The following BRWD1 variants were observed in gnomAD, a reference collection of about 807,000 sequenced individuals.
BRWD1 encodes the protein bromodomain and WD repeat-containing protein 1.
BRWD1 carries 82 observed loss-of-function variants against 251.2 expected under a neutral mutation model. The ratio of observed to expected loss-of-function variants is 0.33; its 90% CI spans 0.27 to 0.39. The LOEUF (loss-of-function observed/expected upper bound fraction) is 0.39. BRWD1 is among the 10% of genes least tolerant of loss of function. The pLI is 1.00. For missense variants in BRWD1, 2,233 were observed against 2,711.6 expected, an observed-to-expected ratio of 0.82 and a Z score of 3.92; for synonymous variants, 918 against 902.8, an observed-to-expected ratio of 1.02 and a Z score of -0.30.
At position 39,266,882 on chromosome 21, in the gene BRWD1, CATT is replaced by C. The variant is rs151078948; in HGVS notation, c.1531-1866_1531-1864del. On this transcript the variant is annotated intron_variant, in intron 15 of 40. Coordinates refer to ENST00000342449, the MANE Select transcript of BRWD1 (RefSeq NM_033656.4). ...TTGGCTATGCAACTGGAAATAAGATCATTGTTGCCCACGTGAAATGTTTTTTCA... is the reference window on the plus strand; with the variant it reads ...TTGGCTATGCAACTGGAAATAAGATCGTTGCCCACGTGAAATGTTTTTTCA... Among the ~76,000 whole-genome samples the C allele has an allele frequency of 1.9e-3, 296 of 152,280 alleles. 2 individuals carry two copies. The highest frequency in any genetic ancestry group is 3.2e-3 in the Non-Finnish European group (218 of 68,012).
chr21:39,232,605 C>T, intron 23 of BRWD1, 107 bp from the exon 24 acceptor site: 1 of 1,296,922 alleles, frequency 7.7e-7, no homozygotes, highest in East Asian at 2.5e-5. Context: ...CTATTTTTGC[C>T]ATGTCCATCT....
chr21:39,243,550 A>C (rs886551114), intron 21 of BRWD1, among the ~76,000 whole-genome samples: 1 of 152,088 alleles, frequency 6.6e-6, no homozygotes, highest in Non-Finnish European at 1.5e-5. Flanking sequence ...GGCTCAAGTG[A>C]TTATCCTGCC....
intron 36 of BRWD1, among the ~76,000 whole-genome samples, chr21:39,207,451 A>AACACACAC (rs58765400): frequency 0.051 from 6,629 of 131,266 alleles, 241 homozygotes; most frequent in Middle Eastern, 0.09. Flanking sequence ...AAAAAAAGAA[A>AACACACAC]ACACACACAC....
intron 4 of BRWD1, among the ~76,000 whole-genome samples, chr21:39,301,337 T>A (rs570098090): frequency 3.3e-5 from 5 of 152,310 alleles, no homozygotes; most frequent in African/African-American, 1.2e-4. Flanking sequence ...CTTCTATGAT[T>A]AGGTTACAAT....
chr21:39,293,942 T>C lies in BRWD1; in HGVS notation c.700A>G (p.Met234Val). 6.2e-7 allele frequency: 1 copy of C among 1,614,178 alleles called. No homozygotes were observed. Among genetic ancestry groups the C allele is most frequent in the Non-Finnish European group, 8.5e-7 (1 of 1,180,010 alleles). The stretch of plus-strand genomic sequence containing the variant: ...ATTGTATTCTCATAGTTTACTGCCA[T>C]ATCTGAAATTTCTGCAGAATGACCT... ...LRGHSAEISD[M>V]AVNYENTMIA... The change falls in exon 8 of 41, where the codon ATG becomes GTG. Residue 234 changes from methionine to valine, a missense_variant. Coordinates refer to ENST00000342449, the MANE Select transcript of BRWD1 (RefSeq NM_033656.4).
chr21:39,241,610 G>A (rs957402566), intron 21 of BRWD1, among the ~76,000 whole-genome samples: 7 of 149,740 alleles, frequency 4.7e-5, no homozygotes, highest in African/African-American at 7.3e-5. Context: ...ATGTGAAGTC[G>A]TGCATAACAA....
At chr21:39,271,605 G>A (rs1331152061) in intron 13 of BRWD1, among the ~76,000 whole-genome samples, 1 of 142,622 alleles carries the variant, frequency 7.0e-6, no homozygotes, top group Non-Finnish European at 1.5e-5. Flanking sequence ...GCTGAGGTGG[G>A]AGGATAGCAT....
chr21:39,313,048 G>C, intron 3 of BRWD1, 24 bp downstream of exon 3: 2 of 1,382,716 alleles, frequency 1.4e-6, no homozygotes, highest in Non-Finnish European at 9.4e-7. Context: ...ACCCGAGGGA[G>C]CGCGGGGACG....
At position 39,191,211 on chromosome 21, in the gene BRWD1, ACCCCTTTT is replaced by A; in HGVS notation, c.*5040_*5047del. 1.0e-6 allele frequency: 1 copy of A among 985,296 alleles called. No homozygotes were observed. The highest frequency in any genetic ancestry group is 1.7e-5 in the African/African-American group (1 of 57,304). 61.0% of individuals were successfully genotyped at this position (985,296 alleles called of 1,614,324 possible). A position where few individuals can be genotyped will look rare whatever the true frequency, so the allele number is the denominator to read the frequency against. ...CAGGCCACAGACAATCCAATGGCAA[ACCCCTTTT>A]CCAGCAGGGCTCCTGACTCGCTTCA... is the stretch of plus-strand genomic sequence containing the variant. On this transcript the variant is annotated 3_prime_UTR_variant, in exon 41 of 41. Transcript: ENST00000342449.
intron 4 of BRWD1, among the ~76,000 whole-genome samples, chr21:39,312,205 T>C (rs539340393): frequency 3.9e-5 from 6 of 152,326 alleles, no homozygotes; most frequent in Admixed American, 1.3e-4. Context: ...AAAGTGCCTA[T>C]TTAAAGCACT....
chr21:39,312,985 C>CGGGGGGCCGGG lies in BRWD1; in HGVS notation c.138+86_139-85insCCCGGCCCCCC, dbSNP rs1181817855. ...CGGGGGGCCGGGGGCGGGCGGCGGG[C>CGGGGGGCCGGG]GGCGGGCGGGGGGCGCGGGCGAGCA... On this transcript the variant is annotated intron_variant, in intron 3 of 40. Transcript: ENST00000342449. 4.8e-5 allele frequency: 39 copies of CGGGGGGCCGGG among 805,346 alleles called. 1 individual carries two copies. Among genetic ancestry groups the CGGGGGGCCGGG allele is most frequent in the South Asian group, 1.9e-4 (3 of 15,434 alleles). The allele number at this position is 805,346 out of a possible 1,614,324, so 49.9% of individuals were successfully genotyped here. A position where few individuals can be genotyped will look rare whatever the true frequency, so the allele number is the denominator to read the frequency against.
At chr21:39,309,684 G>C (rs987528719) in intron 4 of BRWD1, among the ~76,000 whole-genome samples, 2 of 152,106 alleles carry the variant, frequency 1.3e-5, no homozygotes, top group African/African-American at 4.8e-5. Flanking sequence ...AATTAGCCGG[G>C]CGTGGTGGCG....
chr21:39,247,941 A>T (rs2034254412), intron 20 of BRWD1, 109 bp from the exon 21 acceptor site: 1 of 1,251,132 alleles, frequency 8.0e-7, no homozygotes, highest in African/African-American at 1.5e-5. Flanking sequence ...AAAAAGAAAA[A>T]AAGGCTTAAA....
At position 39,197,284 on chromosome 21, in the gene BRWD1, G is replaced by C. The variant is rs201169453; in HGVS notation, c.5785C>G (p.Arg1929Gly). 11 of 1,613,978 alleles carry C rather than the reference G, an allele frequency of 6.8e-6. No individual in the cohort carries two copies. In the Admixed American group the frequency reaches 1.3e-4, roughly 20 times the overall value. The change falls in exon 41 of 41, where the codon CGA becomes GGA. Residue 1929 changes from arginine to glycine, a missense_variant. By Grantham distance (125) the Arg-to-Gly change is moderately radical. Around this residue, in one of 12 missense-constraint regions of BRWD1, gnomAD observed 928 missense variants for 970.0 expected, o/e 0.96. Transcript: ENST00000342449. The stretch of plus-strand genomic sequence containing the variant: ...TTGGCAGCCGTAGCTGCACATCTTC[G>C]AGTAATCCTCAGGAGACCTGTTCTG... ...KARTGLLRIT[R>G]RCAATAANKI...
intron 32 of BRWD1, among the ~76,000 whole-genome samples, chr21:39,214,281 A>T (rs1312459355): frequency 6.6e-6 from 1 of 152,218 alleles, no homozygotes; most frequent in Non-Finnish European, 1.5e-5. Context: ...ACATTCTTTG[A>T]TTCTGAATAC....
chr21:39,292,748 G>A (rs1035602938), intron 8 of BRWD1, among the ~76,000 whole-genome samples: 3 of 152,152 alleles, frequency 2.0e-5, no homozygotes, highest in Non-Finnish European at 2.9e-5. Flanking sequence ...AACTGCAAGC[G>A]AATTTTTTTT....
At chr21:39,201,630 T>A (rs1338879742) in intron 38 of BRWD1, among the ~76,000 whole-genome samples, 2 of 152,222 alleles carry the variant, frequency 1.3e-5, no homozygotes, top group African/African-American at 4.8e-5. Context: ...TCCAGCATAC[T>A]CTGATTGGAC....
At position 39,189,075 on chromosome 21, in the gene BRWD1, A is replaced by G. The variant is rs1601213917; in HGVS notation, c.*7184T>C. 5.1e-6 allele frequency: 5 copies of G among 984,110 alleles called. 1 individual carries two copies. In the Admixed American group the frequency reaches 3.1e-4, roughly 60 times the overall value. 61.0% of individuals were successfully genotyped at this position (984,110 alleles called of 1,614,324 possible). On this transcript the variant is annotated 3_prime_UTR_variant, in exon 41 of 41. Coordinates refer to ENST00000342449, the MANE Select transcript of BRWD1 (RefSeq NM_033656.4). Reference sequence around the variant, plus strand: ...CTAGTATCTCCAACAAGTCAACCCTATATCCAAAATGAATCTTTAACACAT... The same window carrying G: ...CTAGTATCTCCAACAAGTCAACCCTGTATCCAAAATGAATCTTTAACACAT...
At chr21:39,217,073 ATATATATATATTTTT>A (rs2032969293) in intron 31 of BRWD1, 1 of 8,460 alleles carries the variant, frequency 1.2e-4, no homozygotes, top group Non-Finnish European at 2.2e-4. Context: ...ATATATATAT[ATATATATATATTTTT>A]TTTTTTTTTT....
Sources: gnomAD v4.1 joint callset for allele counts (sites outside exome capture counted in the v4.1 genomes callset) on GRCh38, gnomAD v4.1.1 for gene constraint, gnomAD v4.1.1 regional missense constraint, MANE v1.5 for transcripts, NCBI Gene and HGNC (gene_info 2026-07-23, HGNC 2026-07-21) for gene names.